The following PAPPA variants were observed in gnomAD, a reference collection of about 807,000 sequenced individuals.
PAPPA encodes pappalysin 1, also known as pappalysin-1.
PAPPA carries 60 observed loss-of-function variants against 164.0 expected under a neutral mutation model. The ratio of observed to expected loss-of-function variants is 0.37; its 90% CI spans 0.30 to 0.45. PAPPA has a LOEUF of 0.45. PAPPA is among the 20% of genes least tolerant of loss of function. PAPPA has a pLI of 1.00. For missense variants in PAPPA, 1,782 were observed against 2,087.3 expected, an observed-to-expected ratio of 0.85 and a Z score of 2.85; for synonymous variants, 875 against 814.1, an observed-to-expected ratio of 1.07 and a Z score of -1.27.
chr9:116,262,333 G>A (rs944106242), intron 7 of PAPPA, among the ~76,000 whole-genome samples: 1 of 152,220 alleles, frequency 6.6e-6, no homozygotes, highest in East Asian at 1.9e-4. Flanking sequence ...TACTACTACG[G>A]ATGGTTGAAG....
Position 116,262,201 on chromosome 9 carries a change from T to TA in PAPPA, c.2733-3640dup, listed in dbSNP as rs11334752. ...CCTGGGTGACAGAGCAAGACTGTCT[T>TA]AAAAAAAAAAAAAAAATCGCAAAGA... On this transcript the variant is annotated intron_variant, in intron 7 of 21. Coordinates refer to ENST00000328252, the MANE Select transcript of PAPPA (RefSeq NM_002581.5). Among the ~76,000 whole-genome samples the TA allele has an allele frequency of 2.8e-3, 406 of 145,486 alleles. 2 individuals carry two copies. Among genetic ancestry groups the TA allele is most frequent in the African/African-American group, 9.8e-3 (385 of 39,460 alleles).
chr9:116,306,176 T>G (rs1845642794), intron 10 of PAPPA, among the ~76,000 whole-genome samples: 1 of 152,328 alleles, frequency 6.6e-6, no homozygotes, highest in African/African-American at 2.4e-5. Context: ...TGCTAGAGCC[T>G]GTGGAAGAAA....
chr9:116,245,969 AT>A (rs553795256), intron 7 of PAPPA, among the ~76,000 whole-genome samples: 3 of 152,330 alleles, frequency 2.0e-5, no homozygotes, highest in African/African-American at 7.2e-5. Flanking sequence ...ATCATTAAAA[AT>A]AATCTGCTCA....
chr9:116,308,741 G>T (rs1845678385), intron 10 of PAPPA, among the ~76,000 whole-genome samples: 1 of 152,146 alleles, frequency 6.6e-6, no homozygotes, highest in Admixed American at 6.5e-5. Context: ...CCAAAATACT[G>T]CCCTACAATT....
chr9:116,332,016 G>A (rs150687498), intron 11 of PAPPA, among the ~76,000 whole-genome samples: 267 of 152,182 alleles, frequency 1.8e-3, no homozygotes, highest in Non-Finnish European at 2.9e-3. Context: ...ATCCTATGAT[G>A]TACCTGTTGA....
chr9:116,298,284 C>T (rs564564753), intron 9 of PAPPA, among the ~76,000 whole-genome samples: 10 of 152,310 alleles, frequency 6.6e-5, no homozygotes, highest in South Asian at 6.2e-4. Flanking sequence ...ACACCAAGTC[C>T]ATCTGCCTCG....
chr9:116,293,444 A>G (rs1408708787), intron 9 of PAPPA, among the ~76,000 whole-genome samples: 1 of 152,228 alleles, frequency 6.6e-6, no homozygotes, highest in Non-Finnish European at 1.5e-5. Flanking sequence ...TGAAGTTGCT[A>G]GAACTGAATC....
intron 2 of PAPPA, among the ~76,000 whole-genome samples, chr9:116,193,204 C>T (rs928516443): frequency 6.6e-6 from 1 of 151,798 alleles, no homozygotes; most frequent in African/African-American, 2.4e-5. Flanking sequence ...TGCTTTTGGA[C>T]TCCAGTTAAT....
intron 17 of PAPPA, among the ~76,000 whole-genome samples, chr9:116,361,886 T>A (rs1325236478): frequency 6.6e-6 from 1 of 152,240 alleles, no homozygotes; most frequent in African/African-American, 2.4e-5. Context: ...GAAGGGATTA[T>A]GTCTTCAAGC....
intron 7 of PAPPA, among the ~76,000 whole-genome samples, chr9:116,246,622 A>T (rs1844799823): frequency 6.6e-6 from 1 of 152,194 alleles, no homozygotes; most frequent in Admixed American, 6.5e-5. Flanking sequence ...ACTTCCTGGC[A>T]TGCAAGACTA....
intron 6 of PAPPA, among the ~76,000 whole-genome samples, chr9:116,230,357 A>G (rs990255180): frequency 1.3e-5 from 2 of 152,180 alleles, no homozygotes; most frequent in Middle Eastern, 3.2e-3. Context: ...ACTAACTTAA[A>G]ACTCCCAAAT....
intron 7 of PAPPA, among the ~76,000 whole-genome samples, chr9:116,253,086 T>C (rs1844878668): frequency 6.6e-6 from 1 of 152,126 alleles, no homozygotes; most frequent in South Asian, 2.1e-4. Flanking sequence ...CAACATGTGA[T>C]TGCAAAATGT....
At chr9:116,307,230 A>G (rs1190507923) in intron 10 of PAPPA, among the ~76,000 whole-genome samples, 2 of 152,190 alleles carry the variant, frequency 1.3e-5, no homozygotes, top group Non-Finnish European at 1.5e-5. Context: ...GATTGGGTAT[A>G]TTAGTCCTTG....
chr9:116,192,343 G>C (rs1564179141), intron 2 of PAPPA, among the ~76,000 whole-genome samples: 1 of 152,178 alleles, frequency 6.6e-6, no homozygotes, highest in Admixed American at 6.5e-5. Flanking sequence ...ATAGAAGAGA[G>C]CATGGAGTTT....
intron 7 of PAPPA, among the ~76,000 whole-genome samples, chr9:116,253,301 A>G (rs1429783488): frequency 6.6e-6 from 1 of 152,116 alleles, no homozygotes; most frequent in East Asian, 1.9e-4. Context: ...TGCCCTTTGA[A>G]CTGTTTGAAA....
Position 116,371,155 on chromosome 9 carries a change from G to A in PAPPA, c.4605+3401G>A, listed in dbSNP as rs572184905. Among the ~76,000 whole-genome samples, 7 of 147,082 alleles carry A rather than the reference G, an allele frequency of 4.8e-5. No individual in the cohort carries two copies. The East Asian group carries it at 8.1e-4, about 17-fold the overall frequency. ...GAGGCAGCCGGGCGCGGTGGCTCACGCCTGTAATCCCAGCACATTGTGAGG... is the reference window on the plus strand; with the variant it reads ...GAGGCAGCCGGGCGCGGTGGCTCACACCTGTAATCCCAGCACATTGTGAGG... On this transcript the variant is annotated intron_variant, in intron 19 of 21. Transcript: ENST00000328252.
Position 116,219,965 on chromosome 9 carries a change from C to T in PAPPA, c.1947C>T (p.Pro649=). The T allele has an allele frequency of 1.2e-6, 2 of 1,613,846 alleles. No homozygotes were observed. Among genetic ancestry groups the T allele is most frequent in the Non-Finnish European group, 1.7e-6 (2 of 1,179,894 alleles). ...ACGACTGTACGGACTCCTTCACGCC[C>T]AATCAAGTCGCCAGAATGCACTGTT... ...ADDDCTDSFT[P]NQVARMHCYL... is the part of the protein sequence containing the mutation. Residue 649 remains proline, a synonymous_variant, in exon 5 of 22, where the codon CCC becomes CCT. Transcript: ENST00000328252.
At chr9:116,179,295 C>G (rs546279183) in intron 1 of PAPPA, among the ~76,000 whole-genome samples, 10 of 152,280 alleles carry the variant, frequency 6.6e-5, no homozygotes, top group African/African-American at 2.4e-4. Context: ...GGCAGGAGAA[C>G]AGACACAGGT....
intron 21 of PAPPA, among the ~76,000 whole-genome samples, chr9:116,384,044 T>G (rs1846769661): frequency 6.6e-6 from 1 of 152,096 alleles, no homozygotes; most frequent in Non-Finnish European, 1.5e-5. Context: ...GAGGGTATTT[T>G]TGTCGTCTGT....
Sources: allele counts gnomAD v4.1 joint callset (sites outside exome capture counted in the v4.1 genomes callset), GRCh38; gene constraint gnomAD v4.1.1; transcripts MANE v1.5; gene names NCBI Gene and HGNC (gene_info 2026-07-23, HGNC 2026-07-21).